Variants in DAAM2 observed in about 807,000 individuals in gnomAD.
DAAM2 encodes the protein dishevelled associated activator of morphogenesis 2.
In DAAM2, 39 loss-of-function variants were observed where a neutral mutation model predicts 120.7. The observed-to-expected ratio is 0.32, with a 90% CI of 0.25 to 0.42. DAAM2 has a LOEUF of 0.42. Among genes scored for constraint, DAAM2 ranks in the 10% least tolerant of loss-of-function variants. The probability of loss-of-function intolerance (pLI) is 1.00; values close to 1 mark genes in which losing one functional copy is unlikely to be tolerated. For missense variants in DAAM2, 1,283 were observed against 1,401.7 expected (o/e 0.92, Z 1.35); for synonymous variants, 488 against 524.9 (o/e 0.93, Z 0.96).
rs749952005 is a variant in DAAM2 at position 39,883,928 on chromosome 6, A to G, written c.1846-34A>G. ...AGCATCTTCATGATGGAGTTGGGCC[A>G]ACCATGGGATCTTCTCCCTACCCTG... On this transcript the variant is annotated intron_variant, in intron 14 of 24. Coordinates refer to ENST00000274867, the MANE Select transcript of DAAM2 (RefSeq NM_001201427.2). 4 of 1,484,488 alleles carry G rather than the reference A, an allele frequency of 2.7e-6. No homozygotes were observed. The African/African-American group carries it at 5.5e-5, about 20-fold the overall frequency. 92.0% of individuals were successfully genotyped at this position (1,484,488 alleles called of 1,614,324 possible). A position where few individuals can be genotyped will look rare whatever the true frequency, so the allele number is the denominator to read the frequency against.
intron 1 of DAAM2, among the ~76,000 whole-genome samples, chr6:39,816,394 C>T (rs1162686848): frequency 6.6e-6 from 1 of 152,198 alleles, no homozygotes; most frequent in Non-Finnish European, 1.5e-5. Context: ...TGATACTAGG[C>T]CACATAATTC....
chr6:39,879,501 A>T (rs2149331660), intron 14 of DAAM2, 24 bp downstream of exon 14: 1 of 1,613,946 alleles, frequency 6.2e-7, no homozygotes. Flanking sequence ...AAGGGGCTGG[A>T]GGGCCCATTC....
rs180944336 is a variant in DAAM2 at position 39,898,853 on chromosome 6, C to T, written c.2619-24C>T. On this transcript the variant is annotated intron_variant, in intron 21 of 24. Transcript: ENST00000274867. ...AGGCGGGAGTTGATGGTCCTCATTC[C>T]CTTCCCTCTGTGTCTCCTTACAGCC... 44 of 1,603,624 alleles carry T rather than the reference C, an allele frequency of 2.7e-5. No individual in the cohort carries two copies. The East Asian group carries it at 8.9e-4, about 33-fold the overall frequency.
intron 2 of DAAM2, among the ~76,000 whole-genome samples, chr6:39,856,676 G>C (rs1764018798): frequency 1.3e-5 from 2 of 152,224 alleles, no homozygotes; most frequent in African/African-American, 2.4e-5. Flanking sequence ...GTCCCCAGAA[G>C]AATGGTCCTA....
At chr6:39,893,101 T>G (rs1765835342) in intron 19 of DAAM2, among the ~76,000 whole-genome samples, 1 of 152,260 alleles carries the variant, frequency 6.6e-6, no homozygotes, top group Non-Finnish European at 1.5e-5. Context: ...CACAACTATT[T>G]GTATGTCTTG....
intron 1 of DAAM2, among the ~76,000 whole-genome samples, chr6:39,838,999 CACGATGAACTGCTCACCCTAGTGGT>C (rs1198596708): frequency 6.6e-6 from 1 of 152,108 alleles, no homozygotes; most frequent in Non-Finnish European, 1.5e-5. Context: ...TTGGACAAAC[CACGATGAACTGCTCACCCTAGTGGT>C]CCCCCCTCTC....
At chr6:39,898,370 A>G (rs1037708229) in intron 21 of DAAM2, among the ~76,000 whole-genome samples, 14 of 152,226 alleles carry the variant, frequency 9.2e-5, no homozygotes, top group Admixed American at 8.5e-4. Context: ...AGTTGGGGCC[A>G]TGCCCTACAA....
intron 15 of DAAM2, chr6:39,884,302 G>A (rs1765271943): frequency 4.2e-6 from 2 of 476,932 alleles, no homozygotes; most frequent in Middle Eastern, 5.5e-4. Context: ...AAGTAGAGGT[G>A]CACAGACCAT....
In DAAM2 at chr6:39,879,441, C is replaced by G; in HGVS notation, c.1809C>G (p.His603Gln). ...LRKKRVPQPS[H>Q]PLKSFNWVKL... ...AAAAGCGTGTCCCCCAGCCTTCTCA[C>G]CCACTGAAGTCCTTCAACTGGGTGA... Residue 603 changes from histidine to glutamine, a missense_variant, in exon 14 of 25, where the codon CAC becomes CAG. Around this residue, in one of 3 missense-constraint regions of DAAM2, gnomAD observed 748 missense variants for 768.6 expected, o/e 0.97. Transcript: ENST00000274867. 2 of 1,614,028 alleles carry G rather than the reference C, an allele frequency of 1.2e-6. No homozygotes were observed. The highest frequency in any genetic ancestry group is 1.7e-6 in the Non-Finnish European group (2 of 1,179,894).
chr6:39,838,429 G>A (rs1194220105), intron 1 of DAAM2, among the ~76,000 whole-genome samples: 2 of 152,144 alleles, frequency 1.3e-5, no homozygotes, highest in South Asian at 2.1e-4. Context: ...GATAACCAGC[G>A]CTCAATGAAA....
At chr6:39,836,159 CT>C (rs1440744611) in intron 1 of DAAM2, among the ~76,000 whole-genome samples, 2 of 152,152 alleles carry the variant, frequency 1.3e-5, no homozygotes, top group Non-Finnish European at 2.9e-5. Flanking sequence ...GACCTCCCCC[CT>C]GTGCAGAAGA....
intron 19 of DAAM2, among the ~76,000 whole-genome samples, chr6:39,895,902 T>A (rs1292172802): frequency 6.6e-6 from 1 of 152,156 alleles, no homozygotes; most frequent in Non-Finnish European, 1.5e-5. Context: ...GTTGGAAAAA[T>A]CTTAAAAATG....
chr6:39,899,427 A>G (rs1766336533), intron 22 of DAAM2, among the ~76,000 whole-genome samples: 6 of 152,180 alleles, frequency 3.9e-5, no homozygotes, highest in Middle Eastern at 3.4e-3. Flanking sequence ...CTTCCAGAAA[A>G]CACCAGTAGA....
At chr6:39,834,159 C>T (rs1763019489) in intron 1 of DAAM2, among the ~76,000 whole-genome samples, 1 of 152,098 alleles carries the variant, frequency 6.6e-6, no homozygotes, top group South Asian at 2.1e-4. Flanking sequence ...TACAATATCC[C>T]CCAGAGAAAT....
At chr6:39,886,274 T>C in intron 15 of DAAM2, 1 of 396,948 alleles carries the variant, frequency 2.5e-6, no homozygotes, top group Non-Finnish European at 4.4e-6. Flanking sequence ...TATGGGTGCC[T>C]GTCTACAACC....
chr6:39,892,086 G>A (rs1330796220), intron 19 of DAAM2, among the ~76,000 whole-genome samples: 2 of 152,294 alleles, frequency 1.3e-5, no homozygotes, highest in South Asian at 2.1e-4. Context: ...TACTTAAGAG[G>A]TACTAGGCTC....
At chr6:39,870,274 TC>T (rs1296538242) in intron 7 of DAAM2, 65 bp from the exon 8 acceptor site, 1 of 970,792 alleles carries the variant, frequency 1.0e-6, no homozygotes, top group African/African-American at 1.6e-5. Context: ...TGATGAGGGC[TC>T]CACTGGGGAT....
chr6:39,837,663 C>CAAAAAAAAAAAAAAAAAAAAAA (rs758751293), intron 1 of DAAM2, among the ~76,000 whole-genome samples: 8 of 41,192 alleles, frequency 1.9e-4, no homozygotes, highest in African/African-American at 6.7e-4. Flanking sequence ...AACTCCATCT[C>CAAAAAAAAAAAAAAAAAAAAAA]AAAAAAAAAA....
At chr6:39,798,930 T>C (rs919387364) in intron 1 of DAAM2, among the ~76,000 whole-genome samples, 3 of 152,188 alleles carry the variant, frequency 2.0e-5, no homozygotes, top group Admixed American at 6.5e-5. Flanking sequence ...GCTTTCTACA[T>C]GTTTACAGCT....
Sources: allele counts gnomAD v4.1 joint callset (sites outside exome capture counted in the v4.1 genomes callset), GRCh38; gene constraint gnomAD v4.1.1; regional missense constraint gnomAD v4.1.1; transcripts MANE v1.5; gene names NCBI Gene and HGNC (gene_info 2026-07-23, HGNC 2026-07-21).